The following SLC25A21 variants were observed in gnomAD, a reference collection of about 807,000 sequenced individuals.
SLC25A21 encodes the protein mitochondrial 2-oxodicarboxylate carrier.
Under a neutral mutation model 43.8 loss-of-function variants are expected in SLC25A21, and 47 were observed. The ratio of observed to expected loss-of-function variants is 1.07; its 90% confidence interval spans 0.85 to 1.37. The LOEUF is 1.37. SLC25A21 is among the 40% of genes most tolerant of loss of function. The pLI, the probability that SLC25A21 is intolerant of heterozygous loss-of-function variation, is 0.00. For synonymous variants in SLC25A21, 131 were observed against 121.3 expected (o/e 1.08, Z -0.52); for missense variants, 352 against 350.2 (o/e 1.00, Z -0.04).
chr14:36,817,259 G>C (rs1336693094), intron 2 of SLC25A21, among the ~76,000 whole-genome samples: 1 of 152,108 alleles, frequency 6.6e-6, no homozygotes, highest in Non-Finnish European at 1.5e-5. Flanking sequence ...ATGTGAAGTA[G>C]CATCGGCACT....
intron 1 of SLC25A21, among the ~76,000 whole-genome samples, chr14:37,150,622 C>T (rs573518624): frequency 1.3e-5 from 2 of 152,260 alleles, no homozygotes; most frequent in Admixed American, 6.5e-5. Context: ...CTGCAGAAAG[C>T]TTTTCCTTTT....
At chr14:37,056,649 C>CT (rs1961836618) in intron 1 of SLC25A21, among the ~76,000 whole-genome samples, 1 of 152,158 alleles carries the variant, frequency 6.6e-6, no homozygotes, top group Admixed American at 6.5e-5. Flanking sequence ...CACAGTGAGC[C>CT]TGCCACAGTT....
At chr14:37,000,118 A>G (rs2138723646) in intron 1 of SLC25A21, among the ~76,000 whole-genome samples, 1 of 152,254 alleles carries the variant, frequency 6.6e-6, no homozygotes, top group Non-Finnish European at 1.5e-5. Context: ...ACTCCAATTG[A>G]CTTAGTTTCT....
At chr14:36,922,139 A>AAAAAC (rs1891998066) in intron 1 of SLC25A21, among the ~76,000 whole-genome samples, 1 of 146,638 alleles carries the variant, frequency 6.8e-6, no homozygotes, top group African/African-American at 2.6e-5. Flanking sequence ...ATTCTGCCTA[A>AAAAAC]AAAAAAAAAA....
At chr14:37,075,521 A>C (rs1962261761) in intron 1 of SLC25A21, among the ~76,000 whole-genome samples, 1 of 152,146 alleles carries the variant, frequency 6.6e-6, no homozygotes, top group African/African-American at 2.4e-5. Context: ...CCAAACTATA[A>C]ACAGTGTACA....
intron 1 of SLC25A21, among the ~76,000 whole-genome samples, chr14:37,159,780 A>C (rs1963908514): frequency 6.6e-6 from 1 of 152,210 alleles, no homozygotes; most frequent in African/African-American, 2.4e-5. Context: ...AACAGTGAAG[A>C]GACAACGTGT....
At chr14:37,069,395 T>G (rs1245217397) in intron 1 of SLC25A21, among the ~76,000 whole-genome samples, 1 of 152,222 alleles carries the variant, frequency 6.6e-6, no homozygotes, top group African/African-American at 2.4e-5. Context: ...TCATGATATT[T>G]ATGTCTCTAT....
intron 1 of SLC25A21, among the ~76,000 whole-genome samples, chr14:37,158,203 A>G (rs1963882634): frequency 6.6e-6 from 1 of 152,188 alleles, no homozygotes; most frequent in Non-Finnish European, 1.5e-5. Flanking sequence ...AAAAAACTGA[A>G]GAGGAGGTAA....
chr14:37,104,108 G>A (rs952092686), intron 1 of SLC25A21, among the ~76,000 whole-genome samples: 4 of 152,152 alleles, frequency 2.6e-5, no homozygotes, highest in African/African-American at 9.6e-5. Flanking sequence ...GGACACCAAT[G>A]GGAGTTCTGA....
At chr14:37,137,501 T>A (rs1298284385) in intron 1 of SLC25A21, among the ~76,000 whole-genome samples, 1 of 152,194 alleles carries the variant, frequency 6.6e-6, no homozygotes, top group Non-Finnish European at 1.5e-5. Flanking sequence ...CTGATTTTCT[T>A]ATAGAATTTT....
intron 2 of SLC25A21, among the ~76,000 whole-genome samples, chr14:36,826,328 G>C (rs966151057): frequency 6.6e-6 from 1 of 152,094 alleles, no homozygotes; most frequent in Admixed American, 6.6e-5. Context: ...GCAAGGCTTG[G>C]GCAGGCGAGT....
intron 1 of SLC25A21, among the ~76,000 whole-genome samples, chr14:36,925,078 T>C (rs1470677028): frequency 6.6e-6 from 1 of 152,088 alleles, no homozygotes; most frequent in Non-Finnish European, 1.5e-5. Context: ...AAGCAAGTGC[T>C]TTAAAAATAA....
intron 1 of SLC25A21, among the ~76,000 whole-genome samples, chr14:37,023,458 T>G (rs1286037436): frequency 1.3e-5 from 2 of 152,134 alleles, no homozygotes; most frequent in Admixed American, 1.3e-4. Flanking sequence ...TCCAATTTCC[T>G]TGTACTTTTG....
intron 1 of SLC25A21, among the ~76,000 whole-genome samples, chr14:37,009,651 G>A (rs17105942): frequency 6.6e-6 from 1 of 152,098 alleles, no homozygotes; most frequent in Non-Finnish European, 1.5e-5. Context: ...TAAATGAAAA[G>A]AAAATCCTCT....
intron 3 of SLC25A21, among the ~76,000 whole-genome samples, chr14:36,811,977 T>C (rs892848744): frequency 2.6e-5 from 4 of 152,158 alleles, no homozygotes; most frequent in Non-Finnish European, 5.9e-5. Flanking sequence ...TATAAGACAC[T>C]ATAGTTGTAA....
chr14:36,999,569 G>A (rs1206426459), intron 1 of SLC25A21, among the ~76,000 whole-genome samples: 1 of 152,148 alleles, frequency 6.6e-6, no homozygotes, highest in Non-Finnish European at 1.5e-5. Flanking sequence ...GTACAAGTGG[G>A]CAGGGGTGAT....
intron 1 of SLC25A21, among the ~76,000 whole-genome samples, chr14:37,114,288 C>A (rs1963069435): frequency 6.6e-6 from 1 of 152,132 alleles, no homozygotes; most frequent in Non-Finnish European, 1.5e-5. Flanking sequence ...AATGTTCAAA[C>A]CACATTAAGC....
chr14:36,864,780 G>C (rs146344155), intron 2 of SLC25A21, among the ~76,000 whole-genome samples: 1 of 152,318 alleles, frequency 6.6e-6, no homozygotes, highest in African/African-American at 2.4e-5. Context: ...AAGAAGCCAT[G>C]ACAGTGGTCT....
intron 1 of SLC25A21, among the ~76,000 whole-genome samples, chr14:37,148,344 T>C (rs1006596113): frequency 1.3e-5 from 2 of 152,218 alleles, no homozygotes; most frequent in Non-Finnish European, 2.9e-5. Context: ...TATTTTATAT[T>C]GATTGTATGT....
Sources: gnomAD v4.1 joint callset for allele counts (sites outside exome capture counted in the v4.1 genomes callset) on GRCh38, gnomAD v4.1.1 for gene constraint, MANE v1.5 for transcripts, NCBI Gene and HGNC (gene_info 2026-07-23, HGNC 2026-07-21) for gene names.